MGAT4C: variants seen among roughly 807,000 people sequenced by gnomAD.
MGAT4C encodes MGAT4 family member C, also known as alpha-1,3-mannosyl-glycoprotein 4-beta-N-acetylglucosaminyltransferase C.
MGAT4C carries 19 observed loss-of-function variants against 40.1 expected under a neutral mutation model. The ratio of observed to expected loss-of-function variants is 0.47; its 90% CI spans 0.33 to 0.70. The LOEUF is 0.70. Among genes scored for constraint, MGAT4C ranks in the 30% least tolerant of loss-of-function variants. The pLI is 0.02. For synonymous variants in MGAT4C, 181 were observed against 187.1 expected (o/e 0.97, Z 0.27); for missense variants, 491 against 563.2 (o/e 0.87, Z 1.30).
intron 1 of MGAT4C, among the ~76,000 whole-genome samples, chr12:86,736,341 T>C (rs931384251): frequency 6.6e-6 from 1 of 151,864 alleles, no homozygotes; most frequent in African/African-American, 2.4e-5. Flanking sequence ...CAAGAATCTT[T>C]TGAAGCCACT....
At chr12:86,524,609 G>C (rs1958849084) in intron 2 of MGAT4C, among the ~76,000 whole-genome samples, 1 of 151,930 alleles carries the variant, frequency 6.6e-6, no homozygotes, top group African/African-American at 2.4e-5. Context: ...TTGAATATTG[G>C]TCTCTCTAGT....
At chr12:86,230,825 C>A (rs940418940) in intron 1 of MGAT4C, among the ~76,000 whole-genome samples, 2 of 151,580 alleles carry the variant, frequency 1.3e-5, no homozygotes, top group Non-Finnish European at 2.9e-5. Context: ...GCAAGGATGA[C>A]TCTGGAAATT....
chr12:86,362,087 A>T (rs1955488056), intron 3 of MGAT4C, among the ~76,000 whole-genome samples: 1 of 152,240 alleles, frequency 6.6e-6, no homozygotes. Context: ...GAACCAACCC[A>T]AATGTCCATC....
intron 3 of MGAT4C, among the ~76,000 whole-genome samples, chr12:86,364,106 G>T (rs1389065633): frequency 6.6e-6 from 1 of 151,830 alleles, no homozygotes; most frequent in Non-Finnish European, 1.5e-5. Context: ...AGGTAATTTT[G>T]TTGGTCCTGT....
intron 4 of MGAT4C, among the ~76,000 whole-genome samples, chr12:86,291,215 T>C (rs982662991): frequency 2.6e-5 from 4 of 152,112 alleles, no homozygotes; most frequent in Admixed American, 6.5e-5. Context: ...TGGAAGCAAA[T>C]AGTTTGCCAA....
At chr12:86,815,549 A>G (rs1952584639) in intron 1 of MGAT4C, among the ~76,000 whole-genome samples, 1 of 151,928 alleles carries the variant, frequency 6.6e-6, no homozygotes, top group South Asian at 2.1e-4. Context: ...ACATGTACAC[A>G]CATGCTTATA....
chr12:86,504,293 T>A (rs1958431488), intron 2 of MGAT4C, among the ~76,000 whole-genome samples: 1 of 152,108 alleles, frequency 6.6e-6, no homozygotes, highest in Non-Finnish European at 1.5e-5. Flanking sequence ...CCTGGGCATA[T>A]AACCAAAAAA....
At chr12:86,311,436 T>A (rs1472106940) in intron 4 of MGAT4C, among the ~76,000 whole-genome samples, 6 of 150,890 alleles carry the variant, frequency 4.0e-5, no homozygotes, top group Non-Finnish European at 8.8e-5. Context: ...TAACAGTATT[T>A]GATTTTTAAA....
chr12:86,536,362 T>A (rs1959067869), intron 2 of MGAT4C, among the ~76,000 whole-genome samples: 1 of 152,132 alleles, frequency 6.6e-6, no homozygotes, highest in Non-Finnish European at 1.5e-5. Flanking sequence ...AAGACATGGA[T>A]CCTTGATGGA....
intron 1 of MGAT4C, among the ~76,000 whole-genome samples, chr12:86,225,365 AC>A (rs1225624434): frequency 6.6e-6 from 1 of 152,160 alleles, no homozygotes; most frequent in Non-Finnish European, 1.5e-5. Context: ...GACGAGTCAA[AC>A]AAAGAGAAAC....
chr12:86,732,038 G>A (rs1321770363), intron 1 of MGAT4C, among the ~76,000 whole-genome samples: 3 of 152,210 alleles, frequency 2.0e-5, no homozygotes, highest in Non-Finnish European at 4.4e-5. Context: ...TTATGCTTTC[G>A]ATTTTCTATT....
chr12:86,654,383 T>C (rs984323718), intron 2 of MGAT4C, among the ~76,000 whole-genome samples: 7 of 151,554 alleles, frequency 4.6e-5, no homozygotes, highest in African/African-American at 1.7e-4. Context: ...AGCTTTCTTA[T>C]CAAAGTGGTA....
intron 1 of MGAT4C, among the ~76,000 whole-genome samples, chr12:86,221,112 G>A (rs1216338316): frequency 6.6e-6 from 1 of 152,144 alleles, no homozygotes; most frequent in African/African-American, 2.4e-5. Flanking sequence ...GAGAAACTCA[G>A]TTGAACGGAA....
chr12:86,548,856 T>G (rs1303620036), intron 2 of MGAT4C, among the ~76,000 whole-genome samples: 1 of 152,210 alleles, frequency 6.6e-6, no homozygotes, highest in Non-Finnish European at 1.5e-5. Flanking sequence ...ATAATCAATG[T>G]GTTTTATTTA....
At chr12:86,632,689 T>A (rs1214620395) in intron 2 of MGAT4C, among the ~76,000 whole-genome samples, 1 of 144,650 alleles carries the variant, frequency 6.9e-6, no homozygotes, top group Non-Finnish European at 1.5e-5. Flanking sequence ...TTCTCGCTCA[T>A]AGGTGGGAAC....
chr12:86,517,628 A>ATTTGTTTG (rs371515004), intron 2 of MGAT4C, among the ~76,000 whole-genome samples: 3 of 150,878 alleles, frequency 2.0e-5, no homozygotes, highest in Admixed American at 6.6e-5. Flanking sequence ...TTATTTATTT[A>ATTTGTTTG]TTTGTTTGTT....
chr12:86,283,824 C>T (rs1484996444), intron 4 of MGAT4C, among the ~76,000 whole-genome samples: 1 of 152,092 alleles, frequency 6.6e-6, no homozygotes, highest in African/African-American at 2.4e-5. Context: ...TGGAACACTG[C>T]TTTTCTTCAC....
chr12:86,779,954 G>T (rs1951810082), intron 1 of MGAT4C, among the ~76,000 whole-genome samples: 1 of 151,342 alleles, frequency 6.6e-6, no homozygotes, highest in Non-Finnish European at 1.5e-5. Context: ...AAAATAAAAA[G>T]ATACACTTGT....
intron 2 of MGAT4C, among the ~76,000 whole-genome samples, chr12:86,614,323 T>A (rs1384401749): frequency 2.6e-5 from 4 of 152,138 alleles, no homozygotes; most frequent in African/African-American, 7.2e-5. Context: ...GACATTTGTT[T>A]CAATAGAACA....
Sources: gnomAD v4.1 joint callset for allele counts (sites outside exome capture counted in the v4.1 genomes callset) on GRCh38, gnomAD v4.1.1 for gene constraint, MANE v1.5 for transcripts, NCBI Gene and HGNC (gene_info 2026-07-23, HGNC 2026-07-21) for gene names.